PRICKLE2: variants seen among roughly 807,000 people sequenced by gnomAD.
The protein encoded by PRICKLE2 is prickle planar cell polarity protein 2.
PRICKLE2 carries 21 observed loss-of-function variants against 81.4 expected under a neutral mutation model. The observed-to-expected ratio is 0.26, with a 90% CI of 0.18 to 0.37. PRICKLE2 has a LOEUF of 0.37. PRICKLE2 is among the 10% of genes least tolerant of loss of function. PRICKLE2 has a pLI of 1.00. For synonymous variants in PRICKLE2, 456 were observed against 421.5 expected (o/e 1.08, Z -1.00); for missense variants, 940 against 1,109.0 (o/e 0.85, Z 2.16).
chr3:64,128,204 G>A (rs752688458), intron 7 of PRICKLE2, among the ~76,000 whole-genome samples: 12 of 152,126 alleles, frequency 7.9e-5, no homozygotes, highest in Non-Finnish European at 1.6e-4. Flanking sequence ...CGGATTCAGA[G>A]GGTGACAGGC....
At chr3:64,126,597 A>C (rs985911905) in intron 7 of PRICKLE2, among the ~76,000 whole-genome samples, 1 of 151,900 alleles carries the variant, frequency 6.6e-6, no homozygotes, top group African/African-American at 2.4e-5. Context: ...TTCTTTTTTT[A>C]GACGGAGTCT....
chr3:64,198,952 G>A lies in PRICKLE2; in HGVS notation c.-25C>T. 6.2e-7 allele frequency: 1 copy of A among 1,613,972 alleles called. No homozygotes were observed. The highest frequency in any genetic ancestry group is 1.1e-5 in the South Asian group (1 of 91,076). On this transcript the variant is annotated 5_prime_UTR_variant, in exon 2 of 8. Coordinates refer to ENST00000638394, the MANE Select transcript of PRICKLE2 (RefSeq NM_198859.4). Reference sequence around the variant, plus strand: ...TGTGCTCCTCCTGGGGACACTTGCAGTGCAGGCAGATCTTCCTGCAGGCAG... The same window carrying A: ...TGTGCTCCTCCTGGGGACACTTGCAATGCAGGCAGATCTTCCTGCAGGCAG...
At chr3:64,211,552 G>A (rs1055436826) in intron 1 of PRICKLE2, among the ~76,000 whole-genome samples, 1 of 152,354 alleles carries the variant, frequency 6.6e-6, no homozygotes, top group African/African-American at 2.4e-5. Context: ...GCCTGTGTGT[G>A]TGGAAAGAGA....
chr3:64,198,469 A>T (rs1160446002), intron 2 of PRICKLE2, among the ~76,000 whole-genome samples: 1 of 152,060 alleles, frequency 6.6e-6, no homozygotes, highest in African/African-American at 2.4e-5. Flanking sequence ...TAGAGGAGAA[A>T]ATTTGAAGTA....
upstream of PRICKLE2, among the ~76,000 whole-genome samples, chr3:64,227,186 T>C (rs1448267883): frequency 6.6e-6 from 1 of 152,192 alleles, no homozygotes; most frequent in East Asian, 1.9e-4. Context: ...AACTTCTCAG[T>C]AAGAGAAATA....
At chr3:64,257,603 A>G (rs532922818) in intron 2 of PRICKLE2, among the ~76,000 whole-genome samples, 1 of 152,312 alleles carries the variant, frequency 6.6e-6, no homozygotes, top group African/African-American at 2.4e-5. Context: ...TACCACATCC[A>G]GTCCCAGCCC....
At chr3:64,222,275 A>G (rs2078967442) in intron 1 of PRICKLE2, among the ~76,000 whole-genome samples, 1 of 152,170 alleles carries the variant, frequency 6.6e-6, no homozygotes, top group African/African-American at 2.4e-5. Context: ...TTAAGGTATA[A>G]ATATTATTCT....
intron 1 of PRICKLE2, among the ~76,000 whole-genome samples, chr3:64,211,929 G>T (rs1471792038): frequency 6.6e-6 from 1 of 152,218 alleles, no homozygotes; most frequent in Non-Finnish European, 1.5e-5. Flanking sequence ...TGCTGTCACT[G>T]AGATGTTGAC....
At chr3:64,214,949 A>G (rs2078849296) in intron 1 of PRICKLE2, among the ~76,000 whole-genome samples, 1 of 151,992 alleles carries the variant, frequency 6.6e-6, no homozygotes, top group African/African-American at 2.4e-5. Context: ...CTCTATCTTT[A>G]CTATCCTACT....
chr3:64,207,119 C>T (rs1434047892), intron 1 of PRICKLE2, among the ~76,000 whole-genome samples: 1 of 152,112 alleles, frequency 6.6e-6, no homozygotes, highest in East Asian at 1.9e-4. Flanking sequence ...AGGCTGGTCT[C>T]GAACTCCTGG....
At chr3:64,219,412 T>C (rs1425093698) in intron 1 of PRICKLE2, among the ~76,000 whole-genome samples, 1 of 152,188 alleles carries the variant, frequency 6.6e-6, no homozygotes, top group Non-Finnish European at 1.5e-5. Flanking sequence ...CTCCCATCTC[T>C]CTGCCCACAG....
At position 64,099,457 on chromosome 3, in the gene PRICKLE2, C is replaced by G; in HGVS notation, c.2129G>C (p.Arg710Pro). 2 of 1,583,798 alleles carry G rather than the reference C, an allele frequency of 1.3e-6. No individual in the cohort carries two copies. Among genetic ancestry groups the G allele is most frequent in the South Asian group, 1.1e-5 (1 of 87,590 alleles). ...TCTCAGAGGGGGCCTATCTTTTAACCGGGAGATGGCCTCGCGTTCGCTGGC... is the reference window on the plus strand; with the variant it reads ...TCTCAGAGGGGGCCTATCTTTTAACGGGGAGATGGCCTCGCGTTCGCTGGC... Reference protein sequence around the residue: ...HLASEREAISRLKDRPPLRAR... With the variant: ...HLASEREAISPLKDRPPLRAR... The change falls in exon 8 of 8, where the codon CGG becomes CCG. Residue 710 changes from arginine (R) to proline (P), a missense_variant. Arg to Pro is a moderately radical substitution (Grantham distance 103). Around this residue, in one of 2 missense-constraint regions of PRICKLE2, gnomAD observed 670 missense variants for 717.2 expected, o/e 0.93. Coordinates refer to ENST00000638394, the MANE Select transcript of PRICKLE2 (RefSeq NM_198859.4). This position sits in a 1 kb window ranked among gnomAD's most constrained non-coding sequence, Gnocchi z 4.3.
chr3:64,138,711 T>A (rs1396516630), intron 7 of PRICKLE2, among the ~76,000 whole-genome samples: 1 of 152,224 alleles, frequency 6.6e-6, no homozygotes, highest in African/African-American at 2.4e-5. Flanking sequence ...GCAATCTCTA[T>A]GCATTTCCCA....
At chr3:64,170,283 T>C (rs2077906872) in intron 2 of PRICKLE2, among the ~76,000 whole-genome samples, 2 of 152,172 alleles carry the variant, frequency 1.3e-5, no homozygotes, top group South Asian at 4.1e-4. Flanking sequence ...TTTGCAGTAT[T>C]TTCAAAGAAG....
chr3:64,099,228 G>A lies in PRICKLE2; in HGVS notation c.2358C>T (p.Asn786=), dbSNP rs765451868. ...STCSSSSESD[N]EGYFLGEPIP... The stretch of plus-strand genomic sequence containing the variant: ...TGGGTTCTCCTAGGAAATAGCCCTC[G>A]TTGTCAGACTCTGAAGAGGAGGAGC... The change falls in exon 8 of 8, where the codon AAC becomes AAT. Residue 786 remains asparagine (N), a synonymous_variant. Transcript: ENST00000638394. This position sits in a 1 kb window ranked among gnomAD's most constrained non-coding sequence, Gnocchi z 4.3. 12 of 1,614,050 alleles carry A rather than the reference G, an allele frequency of 7.4e-6. No homozygotes were observed. The highest frequency in any genetic ancestry group is 7.6e-6 in the Non-Finnish European group (9 of 1,180,038).
intron 4 of PRICKLE2, 105 bp from the exon 5 acceptor site, chr3:64,157,470 T>C: frequency 1.7e-6 from 2 of 1,184,622 alleles, no homozygotes; most frequent in Admixed American, 2.0e-5. Context: ...TGAGTGCTTA[T>C]GTTCAAAGCA....
At chr3:64,148,936 A>G (rs1188781294) in intron 6 of PRICKLE2, among the ~76,000 whole-genome samples, 7 of 152,232 alleles carry the variant, frequency 4.6e-5, no homozygotes, top group Non-Finnish European at 8.8e-5. Context: ...AGTGGGAAAT[A>G]AAAATGTGGA....
At chr3:64,267,147 C>G (rs2079722993) in intron 2 of PRICKLE2, among the ~76,000 whole-genome samples, 2 of 152,058 alleles carry the variant, frequency 1.3e-5, no homozygotes, top group African/African-American at 4.8e-5. Flanking sequence ...TAATCCCAAC[C>G]TTCACCAAGT....
Position 64,095,227 on chromosome 3 carries a change from C to G in PRICKLE2, c.*3824G>C, listed in dbSNP as rs1447720858. On this transcript the variant is annotated 3_prime_UTR_variant, in exon 8 of 8. Coordinates refer to ENST00000638394, the MANE Select transcript of PRICKLE2 (RefSeq NM_198859.4). Reference sequence around the variant, plus strand: ...TTTTTTGTCCTTTAGCCTAAGAAGTCAGCTTCCTCGAGCCTCCACAACCTG... The same window carrying G: ...TTTTTTGTCCTTTAGCCTAAGAAGTGAGCTTCCTCGAGCCTCCACAACCTG... 1 of 152,082 alleles carries G rather than the reference C, an allele frequency of 6.6e-6. No individual in the cohort carries two copies. The highest frequency in any genetic ancestry group is 1.5e-5 in the Non-Finnish European group (1 of 68,018). The allele number at this position is 152,082 out of a possible 1,614,324, so 9.4% of individuals were successfully genotyped here.
Sources: allele counts gnomAD v4.1 joint callset (sites outside exome capture counted in the v4.1 genomes callset), GRCh38; gene constraint gnomAD v4.1.1; regional missense constraint gnomAD v4.1.1; non-coding constraint Gnocchi (gnomAD v3.1); transcripts MANE v1.5; gene names NCBI Gene and HGNC (gene_info 2026-07-23, HGNC 2026-07-21).